The following ARHGAP44 variants were observed in gnomAD, a reference collection of about 807,000 sequenced individuals.
ARHGAP44 encodes the protein Rho GTPase activating protein 44.
A neutral mutation model predicts 106.8 loss-of-function variants in ARHGAP44; 43 were observed. The observed-to-expected ratio is 0.40, with a 90% CI of 0.32 to 0.52. ARHGAP44 has a LOEUF of 0.52. Ranked by LOEUF, ARHGAP44 falls within the 20% of genes least tolerant of loss-of-function variation. The pLI is 0.48. For synonymous variants in ARHGAP44, 439 were observed against 410.3 expected (o/e 1.07, Z -0.85); for missense variants, 866 against 1,050.5 (o/e 0.82, Z 2.43).
In ARHGAP44 at chr17:12,965,049, C is replaced by T. The variant is rs114846785; in HGVS notation, c.1523+6152C>T. 7.7e-3 allele frequency among the ~76,000 whole-genome samples: 1,172 copies of T among 152,232 alleles called. 19 individuals are homozygous for T. The highest frequency in any genetic ancestry group is 0.027 in the African/African-American group (1,115 of 41,554). On this transcript the variant is annotated intron_variant, in intron 16 of 20. Coordinates refer to ENST00000379672, the MANE Select transcript of ARHGAP44 (RefSeq NM_014859.6). ...CCCTGCACTTGCCTGCTGGCTTGTC[C>T]ATCTGTTCTGTTGCCCCTGCTTAGT... is the stretch of plus-strand genomic sequence containing the variant.
At chr17:12,960,565 C>A (rs1369943259) in intron 16 of ARHGAP44, among the ~76,000 whole-genome samples, 7 of 149,476 alleles carry the variant, frequency 4.7e-5, no homozygotes, top group East Asian at 4.1e-4. Flanking sequence ...GACTCCATCT[C>A]AAAGAAAAAA....
At chr17:12,871,810 C>T (rs1314493753) in intron 1 of ARHGAP44, among the ~76,000 whole-genome samples, 1 of 152,090 alleles carries the variant, frequency 6.6e-6, no homozygotes, top group Non-Finnish European at 1.5e-5. Context: ...TATTCCTGCT[C>T]CTTCCATGTA....
intron 1 of ARHGAP44, among the ~76,000 whole-genome samples, chr17:12,849,544 T>TA (rs2150844914): frequency 6.6e-6 from 1 of 150,714 alleles, no homozygotes; most frequent in Admixed American, 6.6e-5. Context: ...TGCAGCAACC[T>TA]AGTCTTTCCT....
At chr17:12,981,318 G>A (rs909161409) in intron 19 of ARHGAP44, among the ~76,000 whole-genome samples, 5 of 152,246 alleles carry the variant, frequency 3.3e-5, no homozygotes, top group East Asian at 1.9e-4. Context: ...CCAAAGTGCC[G>A]GCGTGAGATT....
At chr17:12,802,744 T>G (rs1177047327) in intron 1 of ARHGAP44, among the ~76,000 whole-genome samples, 3 of 147,024 alleles carry the variant, frequency 2.0e-5, no homozygotes, top group Non-Finnish European at 4.5e-5. Flanking sequence ...AGTCCATTCT[T>G]TTTTATTTCT....
chr17:12,916,112 CTTCTCCCCAACA>C (rs1456296937), intron 5 of ARHGAP44, 101 bp downstream of exon 5: 1 of 913,512 alleles, frequency 1.1e-6, no homozygotes, highest in Non-Finnish European at 1.7e-6. Flanking sequence ...TTCCCTTAAC[CTTCTCCCCAACA>C]TTGTTTTTCA....
intron 1 of ARHGAP44, among the ~76,000 whole-genome samples, chr17:12,829,823 A>T (rs2035034433): frequency 6.6e-6 from 1 of 152,102 alleles, no homozygotes; most frequent in South Asian, 2.1e-4. Context: ...CACATTCATG[A>T]TCCAACCCCC....
chr17:12,935,193 TACTC>T (rs1186808134), intron 7 of ARHGAP44, among the ~76,000 whole-genome samples: 2 of 152,104 alleles, frequency 1.3e-5, no homozygotes, highest in Non-Finnish European at 2.9e-5. Flanking sequence ...AATAATAAAA[TACTC>T]AAAAAGAGAA....
intron 19 of ARHGAP44, among the ~76,000 whole-genome samples, chr17:12,983,817 A>C (rs760458622): frequency 4.6e-5 from 7 of 152,170 alleles, no homozygotes; most frequent in East Asian, 1.9e-4. Flanking sequence ...AAAGAAAAAA[A>C]AACAACAAAA....
chr17:12,937,293 T>C (rs2038575689), intron 7 of ARHGAP44, among the ~76,000 whole-genome samples: 1 of 152,180 alleles, frequency 6.6e-6, no homozygotes, highest in Non-Finnish European at 1.5e-5. Flanking sequence ...TACTCTAGTA[T>C]ATTTCAAAAT....
chr17:12,943,901 C>T (rs2038772884), intron 9 of ARHGAP44, among the ~76,000 whole-genome samples, 168 bp from the exon 10 acceptor site: 2 of 152,098 alleles, frequency 1.3e-5, no homozygotes, highest in Non-Finnish European at 2.9e-5. Context: ...CATCCCCCAC[C>T]CCCTCCTCCA....
chr17:12,932,751 C>T (rs2150970432), intron 7 of ARHGAP44, among the ~76,000 whole-genome samples: 1 of 151,120 alleles, frequency 6.6e-6, no homozygotes, highest in East Asian at 1.9e-4. Context: ...ATGCCAGCAT[C>T]ATTTGTTAAA....
chr17:12,978,887 C>T (rs2039764322), intron 18 of ARHGAP44, among the ~76,000 whole-genome samples: 1 of 152,060 alleles, frequency 6.6e-6, no homozygotes, highest in Admixed American at 6.5e-5. Flanking sequence ...CAGGGTTTCG[C>T]CATGTTGGCC....
intron 7 of ARHGAP44, among the ~76,000 whole-genome samples, chr17:12,931,965 G>T (rs2038417019): frequency 6.6e-6 from 1 of 151,924 alleles, no homozygotes; most frequent in African/African-American, 2.4e-5. Context: ...TCCCAAAAAT[G>T]ATACAATAAA....
intron 1 of ARHGAP44, among the ~76,000 whole-genome samples, chr17:12,817,759 A>G (rs527416791): frequency 6.9e-4 from 105 of 152,178 alleles, no homozygotes; most frequent in Non-Finnish European, 2.7e-4. Flanking sequence ...CATAAATTGG[A>G]CAATTTGAGT....
intron 1 of ARHGAP44, among the ~76,000 whole-genome samples, chr17:12,884,845 A>G (rs2036837627): frequency 6.6e-6 from 1 of 152,016 alleles, no homozygotes; most frequent in Non-Finnish European, 1.5e-5. Context: ...ACATCTATCC[A>G]TGTTGTAGCA....
At position 12,953,986 on chromosome 17, in the gene ARHGAP44, C is replaced by T. The variant is rs898966875; in HGVS notation, c.1136+1405C>T. ...ACTGCAACCCCCACCACCTGGGATT[C>T]GAGTGATTCTCCTGCCTCAGCCTCC... On this transcript the variant is annotated intron_variant, in intron 13 of 20. Coordinates refer to ENST00000379672, the MANE Select transcript of ARHGAP44 (RefSeq NM_014859.6). 2.6e-5 allele frequency among the ~76,000 whole-genome samples: 4 copies of T among 152,038 alleles called. 1 individual carries two copies. The South Asian group carries it at 6.2e-4, about 24-fold the overall frequency.
chr17:12,821,464 T>C (rs1444005880), intron 1 of ARHGAP44, among the ~76,000 whole-genome samples: 2 of 152,196 alleles, frequency 1.3e-5, no homozygotes, highest in African/African-American at 4.8e-5. Flanking sequence ...TGTGATATCC[T>C]TAAGGCAAAC....
rs937141578 is a variant in ARHGAP44 at position 12,991,290 on chromosome 17, C to T, written c.*1119C>T. Reference sequence around the variant, plus strand: ...CAAAGTCAAAGTTTAAAATTTTATCCTTTTCAAATAGATGATATAATATAC... The same window carrying T: ...CAAAGTCAAAGTTTAAAATTTTATCTTTTTCAAATAGATGATATAATATAC... On this transcript the variant is annotated 3_prime_UTR_variant, in exon 21 of 21. Coordinates refer to ENST00000379672, the MANE Select transcript of ARHGAP44 (RefSeq NM_014859.6). 4.6e-5 allele frequency: 7 copies of T among 152,626 alleles called. No individual in the cohort carries two copies. Among genetic ancestry groups the T allele is most frequent in the African/African-American group, 1.7e-4 (7 of 41,420 alleles). 9.5% of individuals were successfully genotyped at this position (152,626 alleles called of 1,614,324 possible). A position where few individuals can be genotyped will look rare whatever the true frequency, so the allele number is the denominator to read the frequency against.
Sources: gnomAD v4.1 joint callset for allele counts (sites outside exome capture counted in the v4.1 genomes callset) on GRCh38, gnomAD v4.1.1 for gene constraint, MANE v1.5 for transcripts, NCBI Gene and HGNC (gene_info 2026-07-23, HGNC 2026-07-21) for gene names.